FGF12: variants seen among roughly 807,000 people sequenced by gnomAD.
The protein encoded by FGF12 is fibroblast growth factor 12B.
FGF12 carries 14 observed loss-of-function variants against 23.6 expected under a neutral mutation model. That is an observed-to-expected ratio of 0.59 (90% CI 0.39 to 0.93). FGF12 has a LOEUF of 0.93. FGF12 is among the 40% of genes least tolerant of loss of function. The pLI, the probability that FGF12 is intolerant of heterozygous loss-of-function variation, is 0.00. For synonymous variants in FGF12, 62 were observed against 77.3 expected, an observed-to-expected ratio of 0.80 and a Z score of 1.04; for missense variants, 175 against 217.8, an observed-to-expected ratio of 0.80 and a Z score of 1.24.
At chr3:192,481,331 G>GA (rs937588140) in intron 2 of FGF12, among the ~76,000 whole-genome samples, 17 of 149,440 alleles carry the variant, frequency 1.1e-4, no homozygotes, top group African/African-American at 2.2e-4. Context: ...CCTCTCTGAG[G>GA]AAAAAAAAAA....
intron 2 of FGF12, among the ~76,000 whole-genome samples, chr3:192,701,007 CT>C (rs927449290): frequency 6.6e-6 from 1 of 152,156 alleles, no homozygotes; most frequent in Non-Finnish European, 1.5e-5. Flanking sequence ...CTTTTCTGAT[CT>C]TTTCCCTAGT....
intron 4 of FGF12, among the ~76,000 whole-genome samples, chr3:192,284,555 AG>A (rs1300576948): frequency 6.6e-6 from 1 of 152,106 alleles, no homozygotes; most frequent in Admixed American, 6.6e-5. Context: ...AAAAATAGGA[AG>A]AACAAAATGT....
chr3:192,703,642 C>T (rs543661650), intron 2 of FGF12, among the ~76,000 whole-genome samples: 7 of 152,120 alleles, frequency 4.6e-5, no homozygotes, highest in African/African-American at 1.7e-4. Flanking sequence ...CCTCTCAAAC[C>T]CTGTGATATG....
At position 192,378,970 on chromosome 3, in the gene FGF12, C is replaced by T. The variant is rs1217371182; in HGVS notation, c.14-18432G>A. On this transcript the variant is annotated intron_variant, in intron 2 of 5. Coordinates refer to ENST00000445105, the MANE Select transcript of FGF12 (RefSeq NM_004113.6). ...GTTCCTTTCTTTGTGTCCATGATTT[C>T]TCATCATTTAGCTCTCACTTATAAG... 2.6e-5 allele frequency among the ~76,000 whole-genome samples: 4 copies of T among 152,240 alleles called. No homozygotes were observed. The East Asian group carries it at 7.7e-4, about 29-fold the overall frequency.
chr3:192,496,919 G>A (rs1723975317), intron 2 of FGF12, among the ~76,000 whole-genome samples: 1 of 152,122 alleles, frequency 6.6e-6, no homozygotes, highest in African/African-American at 2.4e-5. Flanking sequence ...GAACATTGCA[G>A]GCTTAGTCCT....
chr3:192,683,968 A>C (rs934984758), intron 2 of FGF12, among the ~76,000 whole-genome samples: 3 of 152,216 alleles, frequency 2.0e-5, no homozygotes, highest in African/African-American at 7.2e-5. Context: ...TGAAAGGTCA[A>C]CTTAAGTTCC....
At chr3:192,504,374 T>C (rs1303248452) in intron 2 of FGF12, among the ~76,000 whole-genome samples, 5 of 152,184 alleles carry the variant, frequency 3.3e-5, no homozygotes, top group African/African-American at 9.7e-5. Flanking sequence ...AGAATATCTA[T>C]GCCTTTGAAA....
intron 2 of FGF12, among the ~76,000 whole-genome samples, chr3:192,468,527 C>A (rs1442356377): frequency 6.6e-6 from 1 of 152,190 alleles, no homozygotes; most frequent in African/African-American, 2.4e-5. Context: ...GCTGTTTTCA[C>A]ATGATTAGAT....
At chr3:192,429,661 T>C (rs1721800914) in intron 2 of FGF12, among the ~76,000 whole-genome samples, 1 of 152,224 alleles carries the variant, frequency 6.6e-6, no homozygotes, top group Non-Finnish European at 1.5e-5. Context: ...AATGCACTTG[T>C]GTTTAAACCA....
chr3:192,571,706 A>G (rs1396541672), intron 2 of FGF12, among the ~76,000 whole-genome samples: 1 of 152,216 alleles, frequency 6.6e-6, no homozygotes, highest in Non-Finnish European at 1.5e-5. Flanking sequence ...AAGATCCTGC[A>G]CTTGCTCCTC....
chr3:192,245,254 C>T (rs1711511146), intron 4 of FGF12, among the ~76,000 whole-genome samples: 1 of 151,468 alleles, frequency 6.6e-6, no homozygotes, highest in African/African-American at 2.4e-5. Context: ...TGACACCATG[C>T]CCGGCAATTT....
chr3:192,489,728 C>A (rs1243136546), intron 2 of FGF12, among the ~76,000 whole-genome samples: 2 of 151,806 alleles, frequency 1.3e-5, no homozygotes, highest in Non-Finnish European at 2.9e-5. Flanking sequence ...TATCTTGAGA[C>A]TAAAAAAGCA....
chr3:192,325,068 A>C (rs1716747572), intron 4 of FGF12, among the ~76,000 whole-genome samples: 1 of 152,174 alleles, frequency 6.6e-6, no homozygotes, highest in Non-Finnish European at 1.5e-5. Context: ...AAGTATAACT[A>C]ATAATCTGTT....
At chr3:192,378,505 T>C (rs1217603251) in intron 2 of FGF12, among the ~76,000 whole-genome samples, 2 of 152,212 alleles carry the variant, frequency 1.3e-5, no homozygotes, top group Non-Finnish European at 2.9e-5. Flanking sequence ...CCTTAGATTA[T>C]TCATAAACAT....
intron 2 of FGF12, among the ~76,000 whole-genome samples, chr3:192,604,552 A>G (rs1714258907): frequency 6.6e-6 from 1 of 152,224 alleles, no homozygotes; most frequent in African/African-American, 2.4e-5. Context: ...GAAATAAATC[A>G]TAGAGGACAC....
At chr3:192,492,877 G>A (rs751873420) in intron 2 of FGF12, among the ~76,000 whole-genome samples, 7 of 151,500 alleles carry the variant, frequency 4.6e-5, no homozygotes, top group Non-Finnish European at 1.0e-4. Flanking sequence ...TACACAGGAT[G>A]GTAGAGATAA....
intron 2 of FGF12, among the ~76,000 whole-genome samples, chr3:192,718,322 T>G (rs1435349071): frequency 6.6e-6 from 1 of 152,056 alleles, no homozygotes. Flanking sequence ...AAAGACGTTA[T>G]AAAAACATAA....
At chr3:192,610,295 A>G (rs1444968148) in intron 2 of FGF12, among the ~76,000 whole-genome samples, 3 of 152,160 alleles carry the variant, frequency 2.0e-5, no homozygotes, top group African/African-American at 7.2e-5. Context: ...ATGTGAATCA[A>G]ATTTCCCTTT....
intron 2 of FGF12, among the ~76,000 whole-genome samples, chr3:192,475,395 C>A (rs1214236883): frequency 1.3e-5 from 2 of 152,148 alleles, no homozygotes; most frequent in Non-Finnish European, 2.9e-5. Flanking sequence ...AGAAAAGTGA[C>A]ATGCACACAA....
Sources: allele counts gnomAD v4.1 joint callset (sites outside exome capture counted in the v4.1 genomes callset), GRCh38; gene constraint gnomAD v4.1.1; transcripts MANE v1.5; gene names NCBI Gene and HGNC (gene_info 2026-07-23, HGNC 2026-07-21).